Variants in AGBL1 observed in about 807,000 individuals in gnomAD.
AGBL1 encodes the protein cytosolic carboxypeptidase 4.
In AGBL1, 130 loss-of-function variants were observed where a neutral mutation model predicts 118.9. The observed-to-expected ratio is 1.09, with a 90% CI of 0.95 to 1.26. The LOEUF (loss-of-function observed/expected upper bound fraction) is 1.26. AGBL1 is among the 50% of genes most tolerant of loss of function. The pLI is 0.00. For missense variants in AGBL1, 1,584 were observed against 1,298.1 expected (o/e 1.22, Z -3.38); for synonymous variants, 555 against 478.9 (o/e 1.16, Z -2.08).
chr15:86,984,907 T>A (rs2081266585), intron 23 of AGBL1, among the ~76,000 whole-genome samples: 1 of 152,126 alleles, frequency 6.6e-6, no homozygotes, highest in Non-Finnish European at 1.5e-5. Flanking sequence ...TCCTGGCTGG[T>A]CACAGACAAC....
At chr15:86,088,956 T>A (rs1895850370) in intron 1 of AGBL1, among the ~76,000 whole-genome samples, 1 of 152,202 alleles carries the variant, frequency 6.6e-6, no homozygotes, top group African/African-American at 2.4e-5. Context: ...TTTTCCATAC[T>A]ACCTAAAGCA....
At position 86,522,798 on chromosome 15, in the gene AGBL1, T is replaced by C. The variant is rs1216741248; in HGVS notation, c.2556-12T>C. 1.2e-6 allele frequency: 2 copies of C among 1,613,130 alleles called. No homozygotes were observed. The highest frequency in any genetic ancestry group is 2.2e-5 in the East Asian group (1 of 44,862). ...GAATGTGTATTTATTTGCTTATTATTTGTTCCTGTAGCCACAGATGCTCAC... is the reference window on the plus strand; with the variant it reads ...GAATGTGTATTTATTTGCTTATTATCTGTTCCTGTAGCCACAGATGCTCAC... On this transcript the variant is annotated splice_polypyrimidine_tract_variant and intron_variant, in intron 18 of 22. Transcript: ENST00000614907.
intron 22 of AGBL1, among the ~76,000 whole-genome samples, chr15:86,833,212 C>T (rs1253697615): frequency 6.6e-6 from 1 of 151,952 alleles, no homozygotes; most frequent in East Asian, 2.0e-4. Context: ...ACCATATCAC[C>T]CATTTAATGG....
At chr15:87,002,232 G>C (rs2081447650) in intron 24 of AGBL1, among the ~76,000 whole-genome samples, 3 of 152,062 alleles carry the variant, frequency 2.0e-5, no homozygotes, top group Non-Finnish European at 4.4e-5. Flanking sequence ...TTATTAAATA[G>C]GGAATCCTTC....
chr15:86,729,279 G>C (rs574582146), intron 22 of AGBL1, among the ~76,000 whole-genome samples: 169 of 152,216 alleles, frequency 1.1e-3, no homozygotes, highest in Non-Finnish European at 1.0e-3. Flanking sequence ...CTTTTTCTTT[G>C]TTTCTTTGGC....
chr15:86,507,546 A>G (rs185222555), intron 18 of AGBL1, among the ~76,000 whole-genome samples: 119 of 152,270 alleles, frequency 7.8e-4, no homozygotes, highest in East Asian at 1.4e-3. Context: ...TAGATATGTA[A>G]TACAATGATG....
At chr15:86,492,588 A>G (rs1243971136) in intron 18 of AGBL1, among the ~76,000 whole-genome samples, 1 of 117,412 alleles carries the variant, frequency 8.5e-6, no homozygotes, top group Non-Finnish European at 1.9e-5. Flanking sequence ...AGACTCTATC[A>G]AAAAAAAGAA....
intron 5 of AGBL1, among the ~76,000 whole-genome samples, chr15:86,187,705 A>G (rs901443732): frequency 6.6e-6 from 1 of 152,218 alleles, no homozygotes; most frequent in African/African-American, 2.4e-5. Flanking sequence ...GGCCTTCTCT[A>G]AACTGTCCAG....
chr15:86,179,483 C>A (rs11635254), intron 5 of AGBL1, among the ~76,000 whole-genome samples: 46,890 of 151,778 alleles, frequency 0.31, 8,793 homozygotes, highest in Non-Finnish European at 0.42. Context: ...TCTCCATGGA[C>A]CCAGAAAAAA....
At chr15:86,925,584 T>C (rs576521697) in intron 23 of AGBL1, among the ~76,000 whole-genome samples, 1 of 152,298 alleles carries the variant, frequency 6.6e-6, no homozygotes, top group Non-Finnish European at 1.5e-5. Context: ...ATGCTCATAT[T>C]ACTATCTCAA....
chr15:87,028,299 T>C (rs892870924), intron 24 of AGBL1, among the ~76,000 whole-genome samples: 2 of 151,992 alleles, frequency 1.3e-5, no homozygotes, highest in African/African-American at 2.4e-5. Flanking sequence ...GGCAGAGGCA[T>C]TGTATTTCCT....
intron 18 of AGBL1, among the ~76,000 whole-genome samples, chr15:86,467,585 C>A (rs1050016514): frequency 6.6e-6 from 1 of 152,208 alleles, no homozygotes; most frequent in African/African-American, 2.4e-5. Flanking sequence ...GTTCTTGAAA[C>A]CCAGGGCACT....
At chr15:86,449,429 G>A (rs1217185006) in intron 18 of AGBL1, among the ~76,000 whole-genome samples, 2 of 152,220 alleles carry the variant, frequency 1.3e-5, no homozygotes, top group Non-Finnish European at 2.9e-5. Flanking sequence ...TTCTGCCCTT[G>A]AGAAGCATAT....
At chr15:86,604,012 T>G (rs2084535982) in intron 21 of AGBL1, among the ~76,000 whole-genome samples, 2 of 152,160 alleles carry the variant, frequency 1.3e-5, no homozygotes, top group Non-Finnish European at 2.9e-5. Context: ...TGCTTTAAGA[T>G]TCACACAATG....
At chr15:86,827,937 G>GGTTTTTTTTTTTTTTTTTTTTTT (rs71460225) in intron 22 of AGBL1, among the ~76,000 whole-genome samples, 1 of 7,800 alleles carries the variant, frequency 1.3e-4, no homozygotes, top group Non-Finnish European at 2.2e-4. Context: ...TTGATGTAGG[G>GGTTTTTTTTTTTTTTTTTTTTTT]CTTTTTTTTT....
At chr15:86,118,546 A>G (rs1009496069) in intron 1 of AGBL1, among the ~76,000 whole-genome samples, 18 of 152,076 alleles carry the variant, frequency 1.2e-4, no homozygotes, top group Admixed American at 1.0e-3. Flanking sequence ...CTTCTGTTTG[A>G]GTACAGCATT....
rs537624161 is a variant in AGBL1 at position 86,701,792 on chromosome 15, C to G, written c.3158+27356C>G. Among the ~76,000 whole-genome samples, 6 of 148,900 alleles carry G rather than the reference C, an allele frequency of 4.0e-5. No individual in the cohort carries two copies. In the East Asian group the frequency reaches 1.0e-3, roughly 25 times the overall value. On this transcript the variant is annotated intron_variant, in intron 22 of 22. Transcript: ENST00000614907. ...TTTCACTCCTCTCCCCTCCCCACTC[C>G]TTCCTTCCCTCCTTTCTCTTCCCCA...
At chr15:86,156,340 T>C (rs554968882) in intron 4 of AGBL1, among the ~76,000 whole-genome samples, 106 of 152,340 alleles carry the variant, frequency 7.0e-4, no homozygotes, top group African/African-American at 2.5e-3. Flanking sequence ...ACAAGGTCTT[T>C]CTTCTATGCT....
At chr15:86,574,381 T>C (rs367952415) in intron 21 of AGBL1, among the ~76,000 whole-genome samples, 2 of 152,212 alleles carry the variant, frequency 1.3e-5, no homozygotes, top group East Asian at 3.9e-4. Context: ...GGCTTTGCTC[T>C]CTAGTAGCAG....
Sources: gnomAD v4.1 joint callset for allele counts (sites outside exome capture counted in the v4.1 genomes callset) on GRCh38, gnomAD v4.1.1 for gene constraint, MANE v1.5 for transcripts, NCBI Gene and HGNC (gene_info 2026-07-23, HGNC 2026-07-21) for gene names.